The following PRKAA2 variants were observed in gnomAD, a reference collection of about 807,000 sequenced individuals.
PRKAA2 encodes 5'-AMP-activated protein kinase catalytic subunit alpha-2.
Under a neutral mutation model 56.3 loss-of-function variants are expected in PRKAA2, and 40 were observed. That is an observed-to-expected ratio of 0.71 (90% CI 0.55 to 0.92). The LOEUF (loss-of-function observed/expected upper bound fraction) is 0.92, where lower values mean the gene tolerates loss of function less well. Ranked by LOEUF, PRKAA2 falls within the 40% of genes least tolerant of loss-of-function variation. The pLI, the probability that PRKAA2 is intolerant of heterozygous loss-of-function variation, is 0.00. For synonymous variants in PRKAA2, 214 were observed against 234.2 expected (o/e 0.91, Z 0.79); for missense variants, 542 against 686.9 (o/e 0.79, Z 2.36).
intron 6 of PRKAA2, among the ~76,000 whole-genome samples, chr1:56,699,376 C>T (rs1183736537): frequency 1.3e-5 from 2 of 151,990 alleles, no homozygotes; most frequent in African/African-American, 4.8e-5. Flanking sequence ...TGTATAATAG[C>T]CCATGTGAAG....
chr1:56,655,070 G>T, intron 1 of PRKAA2, among the ~76,000 whole-genome samples: 1 of 150,434 alleles, frequency 6.6e-6, no homozygotes, highest in Admixed American at 6.6e-5. Flanking sequence ...CAACATCTCA[G>T]TTTCTAAATT....
chr1:56,655,598 TCTC>T (rs1643935795), intron 1 of PRKAA2, among the ~76,000 whole-genome samples: 1 of 152,182 alleles, frequency 6.6e-6, no homozygotes, highest in African/African-American at 2.4e-5. Flanking sequence ...TGAGGGATCT[TCTC>T]CTATGACCCA....
At chr1:56,651,652 T>C (rs1341378856) in intron 1 of PRKAA2, among the ~76,000 whole-genome samples, 2 of 152,214 alleles carry the variant, frequency 1.3e-5, no homozygotes, top group African/African-American at 2.4e-5. Context: ...TTTCAGTCCA[T>C]ATTTAGAGAT....
chr1:56,681,509 G>A (rs371263449), intron 2 of PRKAA2, among the ~76,000 whole-genome samples: 4 of 152,068 alleles, frequency 2.6e-5, no homozygotes, highest in East Asian at 1.9e-4. Context: ...TTAAGTCTTT[G>A]ATCCATCTTG....
Position 56,693,757 on chromosome 1 carries a change from A to C in PRKAA2, c.476-8A>C, listed in dbSNP as rs1259611355. 1 of 1,538,330 alleles carries C rather than the reference A, an allele frequency of 6.5e-7. No individual in the cohort carries two copies. The highest frequency in any genetic ancestry group is 2.3e-5 in the East Asian group (1 of 43,506). ...CTAGCACCAAGTAAACATTACTTTT[A>C]TTTTTAGGATTATCTAATATGATGT... On this transcript the variant is annotated splice_polypyrimidine_tract_variant and splice_region_variant and intron_variant, in intron 4 of 8. Coordinates refer to ENST00000371244, the MANE Select transcript of PRKAA2 (RefSeq NM_006252.4).
rs1032888937 is a variant in PRKAA2 at position 56,710,150 on chromosome 1, A to T, written c.*2437A>T. The T allele has an allele frequency of 6.6e-6, 1 of 152,092 alleles. No homozygotes were observed. Among genetic ancestry groups the T allele is most frequent in the South Asian group, 2.1e-4 (1 of 4,822 alleles). The allele number at this position is 152,092 out of a possible 1,614,324, so 9.4% of individuals were successfully genotyped here. On this transcript the variant is annotated 3_prime_UTR_variant, in exon 9 of 9. Coordinates refer to ENST00000371244, the MANE Select transcript of PRKAA2 (RefSeq NM_006252.4). ...TGTAAACTCTGAATGTGATAGGTAG[A>T]TGTGGGCTAAGAATAATTTCCTCCA...
chr1:56,690,022 G>A (rs529519412), intron 2 of PRKAA2, among the ~76,000 whole-genome samples: 1 of 152,006 alleles, frequency 6.6e-6, no homozygotes, highest in South Asian at 2.1e-4. Context: ...ACCTTCAACA[G>A]TAGTCAATTC....
At position 56,713,868 on chromosome 1, in the gene PRKAA2, A is replaced by C. The variant is rs896946766; in HGVS notation, c.*6155A>C. On this transcript the variant is annotated 3_prime_UTR_variant, in exon 9 of 9. Transcript: ENST00000371244. ...TGTTCTAAAAAAAAAAAAAAAAAAA[A>C]ACACTAAATTGTGCCTTCTCCCTTA... The C allele has an allele frequency of 6.6e-6, 1 of 151,066 alleles. No individual in the cohort carries two copies. Among genetic ancestry groups the C allele is most frequent in the African/African-American group, 2.4e-5 (1 of 40,982 alleles). The allele number at this position is 151,066 out of a possible 1,614,324, so 9.4% of individuals were successfully genotyped here.
In PRKAA2 at chr1:56,709,023, A is replaced by T. The variant is rs1569805770; in HGVS notation, c.*1310A>T. On this transcript the variant is annotated 3_prime_UTR_variant, in exon 9 of 9. Coordinates refer to ENST00000371244, the MANE Select transcript of PRKAA2 (RefSeq NM_006252.4). ...CAGGGTAGATAATAGTTTATTGATTATATTTTGTTTTAGTAAAAGTATTTA... is the reference window on the plus strand; with the variant it reads ...CAGGGTAGATAATAGTTTATTGATTTTATTTTGTTTTAGTAAAAGTATTTA... The T allele has an allele frequency of 6.6e-6, 1 of 152,244 alleles. No homozygotes were observed. Among genetic ancestry groups the T allele is most frequent in the East Asian group, 1.9e-4 (1 of 5,190 alleles). The allele number at this position is 152,244 out of a possible 1,614,324, so 9.4% of individuals were successfully genotyped here. A position where few individuals can be genotyped will look rare whatever the true frequency, so the allele number is the denominator to read the frequency against.
At chr1:56,669,071 A>C (rs1557548409) in intron 1 of PRKAA2, among the ~76,000 whole-genome samples, 1 of 152,114 alleles carries the variant, frequency 6.6e-6, no homozygotes. Flanking sequence ...GCTTTGATCT[A>C]CTCCAACCTG....
chr1:56,695,889 A>G (rs1215919571), intron 5 of PRKAA2, 46 bp from the exon 6 acceptor site: 1 of 1,533,100 alleles, frequency 6.5e-7, no homozygotes, highest in Non-Finnish European at 9.0e-7. Flanking sequence ...CATAGAGAAA[A>G]AGTGATTCTT....
At chr1:56,662,304 A>T (rs1644000403) in intron 1 of PRKAA2, among the ~76,000 whole-genome samples, 1 of 152,164 alleles carries the variant, frequency 6.6e-6, no homozygotes, top group Non-Finnish European at 1.5e-5. Flanking sequence ...ATCAGATTAT[A>T]TTTGGGACTA....
chr1:56,686,753 T>G (rs1644193803), intron 2 of PRKAA2, among the ~76,000 whole-genome samples: 1 of 152,092 alleles, frequency 6.6e-6, no homozygotes, highest in East Asian at 1.9e-4. Flanking sequence ...TCCAATCACC[T>G]CCCACCAGTC....
rs2100445167 is a variant in PRKAA2 at position 56,710,658 on chromosome 1, A to G, written c.*2945A>G. On this transcript the variant is annotated 3_prime_UTR_variant, in exon 9 of 9. Coordinates refer to ENST00000371244, the MANE Select transcript of PRKAA2 (RefSeq NM_006252.4). ...CATGTTCATCGTGAGTGAATGCTGG[A>G]TTAAATAGAATTTTCTGTGTCTGCA... The G allele has an allele frequency of 6.6e-6, 1 of 152,242 alleles. No individual in the cohort carries two copies. Among genetic ancestry groups the G allele is most frequent in the Admixed American group, 6.5e-5 (1 of 15,292 alleles). 9.4% of individuals were successfully genotyped at this position (152,242 alleles called of 1,614,324 possible).
intron 6 of PRKAA2, among the ~76,000 whole-genome samples, chr1:56,699,869 G>C (rs185657613): frequency 1.4e-4 from 21 of 152,216 alleles, no homozygotes; most frequent in Admixed American, 4.6e-4. Context: ...TTTGTATCTG[G>C]CATCTATCAT....
rs190503313 is a variant in PRKAA2, at chr1:56,658,826, G to A, written c.94+13345G>A. 2.6e-5 allele frequency among the ~76,000 whole-genome samples: 4 copies of A among 151,556 alleles called. No individual in the cohort carries two copies. In the East Asian group the frequency reaches 7.8e-4, roughly 30 times the overall value. ...ATGATCTTGGCTCACTGCAACCTCT[G>A]TCTCCCGGGCTCAAGCAATTCTTGT... is the stretch of plus-strand genomic sequence containing the variant. On this transcript the variant is annotated intron_variant, in intron 1 of 8. Coordinates refer to ENST00000371244, the MANE Select transcript of PRKAA2 (RefSeq NM_006252.4).
In PRKAA2 at chr1:56,648,253, A is replaced by G. The variant is rs1019279943; in HGVS notation, c.94+2772A>G. Among the ~76,000 whole-genome samples the G allele has an allele frequency of 2.6e-5, 4 of 152,250 alleles. No homozygotes were observed. In the East Asian group the frequency reaches 7.7e-4, roughly 29 times the overall value. On this transcript the variant is annotated intron_variant, in intron 1 of 8. Coordinates refer to ENST00000371244, the MANE Select transcript of PRKAA2 (RefSeq NM_006252.4). ...TACCCTCAGTCCCAGGAAATCACTA[A>G]TCTGTTTTCTGCCTGTATAAATTTG...
intron 2 of PRKAA2, among the ~76,000 whole-genome samples, chr1:56,678,393 T>C (rs553093012): frequency 7.9e-5 from 12 of 152,302 alleles, no homozygotes; most frequent in Non-Finnish European, 1.3e-4. Flanking sequence ...ATTGCAAAAG[T>C]GGGACTCTAG....
At chr1:56,656,557 G>A (rs556339819) in intron 1 of PRKAA2, among the ~76,000 whole-genome samples, 78 of 152,274 alleles carry the variant, frequency 5.1e-4, no homozygotes, top group South Asian at 2.1e-3. Context: ...GGAAACAGAC[G>A]TCCAGTTTCC....
Sources: gnomAD v4.1 joint callset for allele counts (sites outside exome capture counted in the v4.1 genomes callset) on GRCh38, gnomAD v4.1.1 for gene constraint, MANE v1.5 for transcripts, NCBI Gene and HGNC (gene_info 2026-07-23, HGNC 2026-07-21) for gene names.